TDRD1: variants seen among roughly 807,000 people sequenced by gnomAD.
TDRD1 encodes tudor domain-containing protein 1.
In TDRD1, 37 loss-of-function variants were observed where a neutral mutation model predicts 140.6. The ratio of observed to expected loss-of-function variants is 0.26; its 90% CI spans 0.20 to 0.35. TDRD1 has a LOEUF of 0.35. TDRD1 is among the 10% of genes least tolerant of loss of function. The pLI, the probability that TDRD1 is intolerant of heterozygous loss-of-function variation, is 1.00. For missense variants in TDRD1, 1,243 were observed against 1,393.0 expected, an observed-to-expected ratio of 0.89 and a Z score of 1.71; for synonymous variants, 506 against 475.7, an observed-to-expected ratio of 1.06 and a Z score of -0.83.
chr10:114,226,042 T>G lies in TDRD1; in HGVS notation c.3008-7T>G. The G allele has an allele frequency of 6.2e-7, 1 of 1,612,770 alleles. No individual in the cohort carries two copies. Among genetic ancestry groups the G allele is most frequent in the Non-Finnish European group, 8.5e-7 (1 of 1,178,772 alleles). ...AGTTCTTACCTGAGATTTCATTCTG[T>G]TTTCAGGTGATGATTTTTGGTATCG... is the stretch of plus-strand genomic sequence containing the variant. On this transcript the variant is annotated splice_region_variant and splice_polypyrimidine_tract_variant and intron_variant, in intron 21 of 25. Transcript: ENST00000251864.
At chr10:114,188,622 G>A (rs2033723602) in intron 2 of TDRD1, among the ~76,000 whole-genome samples, 2 of 152,150 alleles carry the variant, frequency 1.3e-5, no homozygotes, top group Admixed American at 1.3e-4. Flanking sequence ...ACTTTGGGAG[G>A]CCGAGGTGGG....
intron 18 of TDRD1, among the ~76,000 whole-genome samples, chr10:114,220,105 A>G (rs1486663309): frequency 2.0e-5 from 3 of 152,226 alleles, no homozygotes; most frequent in Non-Finnish European, 2.9e-5. Context: ...TTCAAGTTTG[A>G]AAATCGCTGC....
exon 19 of TDRD1, chr10:114,220,713 T>C: frequency 1.9e-6 from 3 of 1,614,016 alleles, no homozygotes; most frequent in Non-Finnish European, 2.5e-6. Context: ...CCACTTGTTA[T>C]CCCAGAATAA....
chr10:114,175,655 T>C (rs186520642), upstream of TDRD1, among the ~76,000 whole-genome samples: 1 of 152,156 alleles, frequency 6.6e-6, no homozygotes, highest in Admixed American at 6.5e-5. Flanking sequence ...CAAGATAGCC[T>C]AGGACATATT....
chr10:114,186,595 G>T (rs548401929), intron 1 of TDRD1, among the ~76,000 whole-genome samples: 2 of 152,026 alleles, frequency 1.3e-5, no homozygotes, highest in East Asian at 3.9e-4. Flanking sequence ...GAACGACATT[G>T]CTCTCTTATT....
upstream of TDRD1, among the ~76,000 whole-genome samples, chr10:114,179,109 C>T (rs909969205): frequency 1.3e-5 from 2 of 152,220 alleles, no homozygotes; most frequent in African/African-American, 4.8e-5. Context: ...TTGCCAAAGG[C>T]GTTGCCAGAG....
intron 2 of TDRD1, among the ~76,000 whole-genome samples, chr10:114,188,876 G>GAA (rs34349007): frequency 1.4e-4 from 15 of 107,142 alleles, no homozygotes; most frequent in Admixed American, 2.9e-4. Context: ...AAAACAAAAT[G>GAA]AAAAAAAAAA....
exon 26 of TDRD1, chr10:114,232,198 C>G (rs1286646595): frequency 6.6e-6 from 1 of 151,858 alleles, no homozygotes; most frequent in African/African-American, 2.4e-5. Context: ...ACTTTATGTT[C>G]CCTCTCCTGC....
chr10:114,195,516 C>T (rs1466319126), intron 3 of TDRD1, among the ~76,000 whole-genome samples: 1 of 152,150 alleles, frequency 6.6e-6, no homozygotes, highest in Non-Finnish European at 1.5e-5. Flanking sequence ...TTTAGGATTG[C>T]TGTGTCTTGT....
chr10:114,228,408 A>C, intron 25 of TDRD1: 1 of 1,137,678 alleles, frequency 8.8e-7, no homozygotes, highest in Non-Finnish European at 1.1e-6. Context: ...TGTTATTGAT[A>C]TGTGGAGGGA....
At chr10:114,185,543 T>C (rs2033449688) in intron 1 of TDRD1, among the ~76,000 whole-genome samples, 1 of 152,084 alleles carries the variant, frequency 6.6e-6, no homozygotes, top group Admixed American at 6.6e-5. Context: ...AGTTTCTACC[T>C]TGAGTTTGAT....
exon 2 of TDRD1, chr10:114,187,863 CAAG>C: frequency 6.2e-7 from 1 of 1,601,284 alleles, no homozygotes; most frequent in African/African-American, 1.4e-5. Context: ...AATGTGATGT[CAAG>C]AAATAATTTG....
At chr10:114,197,335 C>T (rs571816271) in intron 3 of TDRD1, among the ~76,000 whole-genome samples, 2 of 152,192 alleles carry the variant, frequency 1.3e-5, no homozygotes, top group South Asian at 4.1e-4. Flanking sequence ...TTCCTGTTTT[C>T]CCTCCATTAT....
chr10:114,209,755 G>A (rs1194566965), intron 11 of TDRD1, among the ~76,000 whole-genome samples: 1 of 152,090 alleles, frequency 6.6e-6, no homozygotes, highest in Non-Finnish European at 1.5e-5. Context: ...ATAGGTTCAT[G>A]GTGAGAACCA....
intron 13 of TDRD1, among the ~76,000 whole-genome samples, chr10:114,211,482 A>T (rs1177605606): frequency 6.6e-6 from 1 of 152,152 alleles, no homozygotes; most frequent in Middle Eastern, 3.2e-3. Context: ...TAAATTCATC[A>T]CTTGGTTAGT....
Position 114,227,309 on chromosome 10 carries a change from T to A in TDRD1, c.3403+10T>A. ...AGTGCTTTAAATACAGGTATTCTTTTCAAGTGTTATTAATAACAGATGTTA... is the reference window on the plus strand; with the variant it reads ...AGTGCTTTAAATACAGGTATTCTTTACAAGTGTTATTAATAACAGATGTTA... On this transcript the variant is annotated intron_variant, in intron 23 of 25. Coordinates refer to ENST00000251864, the Ensembl canonical transcript of TDRD1. The A allele has an allele frequency of 6.4e-7, 1 of 1,561,838 alleles. No individual in the cohort carries two copies. The highest frequency in any genetic ancestry group is 8.8e-7 in the Non-Finnish European group (1 of 1,132,990).
At chr10:114,187,834 G>T in exon 2 of TDRD1, 1 of 1,571,112 alleles carries the variant, frequency 6.4e-7, no homozygotes, top group Non-Finnish European at 8.6e-7. Context: ...AGGCCTCGAT[G>T]AGTGTTAAAT....
chr10:114,226,382 G>A (rs35217748), intron 22 of TDRD1, among the ~76,000 whole-genome samples, 166 bp downstream of exon 22: 11,132 of 151,558 alleles, frequency 0.073, 531 homozygotes, highest in Middle Eastern at 0.14. Context: ...ATTCTTTATC[G>A]AATTCTCACA....
At chr10:114,227,955 A>G (rs2036535752) in exon 24 of TDRD1, 1 of 1,613,656 alleles carries the variant, frequency 6.2e-7, no homozygotes, top group Non-Finnish European at 8.5e-7. Context: ...TTACAGAAAC[A>G]AGTAGGTAAA....
Sources: allele counts gnomAD v4.1 joint callset (sites outside exome capture counted in the v4.1 genomes callset), GRCh38; gene constraint gnomAD v4.1.1; transcripts MANE v1.5; gene names NCBI Gene and HGNC (gene_info 2026-07-23, HGNC 2026-07-21).